The following CBY1 variants were observed in gnomAD, a reference collection of about 807,000 sequenced individuals.
The protein encoded by CBY1 is protein chibby homolog 1.
CBY1 carries 10 observed loss-of-function variants against 15.6 expected under a neutral mutation model. That is an observed-to-expected ratio of 0.64 (90% confidence interval 0.40 to 1.09). CBY1 has a LOEUF of 1.09. Among genes scored for constraint, CBY1 ranks in the 50% least tolerant of loss-of-function variants. The pLI is 0.01. For synonymous variants in CBY1, 61 were observed against 63.5 expected, an observed-to-expected ratio of 0.96 and a Z score of 0.19; for missense variants, 150 against 160.5, an observed-to-expected ratio of 0.93 and a Z score of 0.35.
chr22:38,660,876 G>A (rs2092420472), intron 1 of CBY1, among the ~76,000 whole-genome samples: 1 of 151,942 alleles, frequency 6.6e-6, no homozygotes, highest in Admixed American at 6.6e-5. Flanking sequence ...TTTATTCATG[G>A]ATATTCCTAT....
intron 2 of CBY1, chr22:38,669,754 A>C (rs2092447089): frequency 1.3e-5 from 2 of 152,236 alleles, no homozygotes; most frequent in African/African-American, 2.4e-5. Context: ...CTGGATACCC[A>C]GTACCGAGTC....
At chr22:38,671,237 G>C (rs760505886) in intron 4 of CBY1, 49 bp downstream of exon 4, 1 of 1,357,180 alleles carries the variant, frequency 7.4e-7, no homozygotes, top group South Asian at 1.2e-5. Flanking sequence ...TTTTGGGGAG[G>C]CTCCACCTCG....
intron 1 of CBY1, among the ~76,000 whole-genome samples, chr22:38,667,046 T>A (rs1301608418): frequency 6.6e-6 from 1 of 151,620 alleles, no homozygotes; most frequent in African/African-American, 2.4e-5. Flanking sequence ...GGTAATGCTC[T>A]TTGACTCAGG....
intron 1 of CBY1, among the ~76,000 whole-genome samples, chr22:38,659,236 T>C (rs1294986057): frequency 6.6e-6 from 1 of 151,836 alleles, no homozygotes; most frequent in East Asian, 1.9e-4. Flanking sequence ...GTACCTGGCC[T>C]ACAATTGGTT....
At chr22:38,665,104 A>G (rs2092432405) in intron 1 of CBY1, among the ~76,000 whole-genome samples, 1 of 152,164 alleles carries the variant, frequency 6.6e-6, no homozygotes, top group Non-Finnish European at 1.5e-5. Context: ...TTGGCCTCCC[A>G]AAGTGCTAGG....
chr22:38,665,972 T>A (rs1040938805), intron 1 of CBY1, among the ~76,000 whole-genome samples: 11 of 151,346 alleles, frequency 7.3e-5, no homozygotes, highest in African/African-American at 2.7e-4. Flanking sequence ...AAAAAAAAAA[T>A]CATAAATAAA....
Position 38,673,658 on chromosome 22 carries a change from T to C in CBY1, c.*422T>C, listed in dbSNP as rs971632746. The C allele has an allele frequency of 8.6e-5, 14 of 162,492 alleles. No individual in the cohort carries two copies. Among genetic ancestry groups the C allele is most frequent in the Non-Finnish European group, 1.6e-4 (12 of 73,562 alleles). 10.1% of individuals were successfully genotyped at this position (162,492 alleles called of 1,614,324 possible). On this transcript the variant is annotated 3_prime_UTR_variant, in exon 5 of 5. Coordinates refer to ENST00000216029, the MANE Select transcript of CBY1 (RefSeq NM_015373.4). ...TCTACAGAGCTCTGTGTTGGGGTCATGGATGAGCGGCTCTCTTGGCTCTTA... is the reference window on the plus strand; with the variant it reads ...TCTACAGAGCTCTGTGTTGGGGTCACGGATGAGCGGCTCTCTTGGCTCTTA...
Position 38,671,197 on chromosome 22 carries a change from G to A in CBY1, c.303+9G>A. The A allele has an allele frequency of 6.3e-7, 1 of 1,589,280 alleles. No homozygotes were observed. The highest frequency in any genetic ancestry group is 8.6e-7 in the Non-Finnish European group (1 of 1,157,764). ...ACATCTTATTAGACATGGTGAGGCA[G>A]GTGATGGGGAAGAGAGGCCTAGCTT... On this transcript the variant is annotated intron_variant, in intron 4 of 4. Coordinates refer to ENST00000216029, the MANE Select transcript of CBY1 (RefSeq NM_015373.4).
chr22:38,661,672 T>C (rs1460102456), intron 1 of CBY1, among the ~76,000 whole-genome samples: 1 of 152,220 alleles, frequency 6.6e-6, no homozygotes, highest in African/African-American at 2.4e-5. Flanking sequence ...TGGAAGTTTT[T>C]TTTCCTGTTC....
At chr22:38,664,401 G>C (rs1229166413) in intron 1 of CBY1, among the ~76,000 whole-genome samples, 1 of 151,354 alleles carries the variant, frequency 6.6e-6, no homozygotes, top group Non-Finnish European at 1.5e-5. Context: ...GAACCTGGGA[G>C]GCAGAGGTTG....
chr22:38,671,496 T>C, intron 4 of CBY1: 1 of 361,700 alleles, frequency 2.8e-6, no homozygotes, highest in Non-Finnish European at 5.2e-6. Flanking sequence ...CTGAGCTGAA[T>C]GTGGAAGGAT....
chr22:38,660,375 AG>A (rs2092418689), intron 1 of CBY1, among the ~76,000 whole-genome samples: 1 of 151,742 alleles, frequency 6.6e-6, no homozygotes, highest in Admixed American at 6.6e-5. Context: ...TTGTGTTTTT[AG>A]TAGAGACGGG....
At chr22:38,657,447 TC>T (rs1488750855) in intron 1 of CBY1, among the ~76,000 whole-genome samples, 2 of 152,224 alleles carry the variant, frequency 1.3e-5, no homozygotes, top group Non-Finnish European at 2.9e-5. Flanking sequence ...CCCCTTCACT[TC>T]CTGTGTGCGG....
At chr22:38,666,949 G>A (rs1228398145) in intron 1 of CBY1, among the ~76,000 whole-genome samples, 4 of 149,998 alleles carry the variant, frequency 2.7e-5, no homozygotes, top group African/African-American at 4.9e-5. Context: ...TGATTTGCCC[G>A]CCTCGGCCTC....
At chr22:38,661,242 CGGCTCA>C (rs1199158106) in intron 1 of CBY1, among the ~76,000 whole-genome samples, 1 of 152,166 alleles carries the variant, frequency 6.6e-6, no homozygotes, top group Admixed American at 6.5e-5. Flanking sequence ...GGTGTGTTCT[CGGCTCA>C]CCGCAACCTC....
intron 1 of CBY1, among the ~76,000 whole-genome samples, chr22:38,661,485 A>G (rs1222814459): frequency 6.6e-6 from 1 of 152,176 alleles, no homozygotes; most frequent in African/African-American, 2.4e-5. Context: ...TTTTTAATTC[A>G]AACACGTAAC....
chr22:38,666,863 C>G (rs1445012416), intron 1 of CBY1: 1 of 151,916 alleles, frequency 6.6e-6, no homozygotes, highest in Non-Finnish European at 1.5e-5. Context: ...CCACTATGCC[C>G]AGCTAATTTT....
At chr22:38,672,302 TG>T (rs1431629911) in intron 4 of CBY1, among the ~76,000 whole-genome samples, 7 of 151,600 alleles carry the variant, frequency 4.6e-5, no homozygotes, top group Non-Finnish European at 7.4e-5. Flanking sequence ...TTAGGCTGGA[TG>T]TTTTTTTATT....
Position 38,673,280 on chromosome 22 carries a change from CTT to C in CBY1, c.*52_*53del. The C allele has an allele frequency of 1.5e-6, 2 of 1,340,604 alleles. No homozygotes were observed. Among genetic ancestry groups the C allele is most frequent in the Non-Finnish European group, 1.1e-6 (1 of 940,508 alleles). 83.0% of individuals were successfully genotyped at this position (1,340,604 alleles called of 1,614,324 possible). On this transcript the variant is annotated 3_prime_UTR_variant, in exon 5 of 5. Transcript: ENST00000216029. Reference sequence around the variant, plus strand: ...TTGGGGAGTAGGATGTGGCTGAGTGCTTTTTTTTTGGCCAGACTAGCGGATTC... The same window carrying C: ...TTGGGGAGTAGGATGTGGCTGAGTGCTTTTTTTGGCCAGACTAGCGGATTC...
Sources: allele counts gnomAD v4.1 joint callset (sites outside exome capture counted in the v4.1 genomes callset), GRCh38; gene constraint gnomAD v4.1.1; transcripts MANE v1.5; gene names NCBI Gene and HGNC (gene_info 2026-07-23, HGNC 2026-07-21).